RNF170: variants seen among roughly 807,000 people sequenced by gnomAD.
The protein encoded by RNF170 is E3 ubiquitin-protein ligase RNF170.
Under a neutral mutation model 32.7 loss-of-function variants are expected in RNF170, and 12 were observed. The ratio of observed to expected loss-of-function variants is 0.37; its 90% CI spans 0.24 to 0.60. The LOEUF is 0.60. RNF170 is among the 20% of genes least tolerant of loss of function. The probability of loss-of-function intolerance (pLI) is 0.72; values close to 1 mark genes in which losing one functional copy is unlikely to be tolerated. For synonymous variants in RNF170, 91 were observed against 103.6 expected, an observed-to-expected ratio of 0.88 and a Z score of 0.74; for missense variants, 212 against 311.2, an observed-to-expected ratio of 0.68 and a Z score of 2.40.
chr8:42,867,774 T>TCAAAAAAAA (rs1804216843), intron 4 of RNF170, among the ~76,000 whole-genome samples: 1 of 30,460 alleles, frequency 3.3e-5, no homozygotes, highest in African/African-American at 1.5e-4. Flanking sequence ...AGACTCCATC[T>TCAAAAAAAA]CAAAAAAAAA....
Position 42,854,732 on chromosome 8 carries a change from A to G in RNF170, c.*1427T>C. 1 of 1,287,504 alleles carries G rather than the reference A, an allele frequency of 7.8e-7. No individual in the cohort carries two copies. The highest frequency in any genetic ancestry group is 1.0e-6 in the Non-Finnish European group (1 of 988,690). 79.8% of individuals were successfully genotyped at this position (1,287,504 alleles called of 1,614,324 possible). A position where few individuals can be genotyped will look rare whatever the true frequency, so the allele number is the denominator to read the frequency against. On this transcript the variant is annotated 3_prime_UTR_variant, in exon 7 of 7. Transcript: ENST00000527424. ...ATGATATTAATAGCAGTGATCTCAG[A>G]TGACAATGCTAACACTGACTCCTGG...
intron 2 of RNF170, among the ~76,000 whole-genome samples, chr8:42,887,288 T>A (rs1805902303): frequency 6.7e-6 from 1 of 150,360 alleles, no homozygotes; most frequent in South Asian, 2.1e-4. Context: ...TGAGACTCCG[T>A]CTCAAAAAAT....
chr8:42,869,891 C>T (rs1804396251), intron 4 of RNF170, 113 bp downstream of exon 4: 1 of 747,322 alleles, frequency 1.3e-6, no homozygotes. Flanking sequence ...GTAATCTACC[C>T]TACTCACAAA....
chr8:42,876,035 C>A (rs925518201), intron 2 of RNF170, among the ~76,000 whole-genome samples: 1 of 152,072 alleles, frequency 6.6e-6, no homozygotes, highest in South Asian at 2.1e-4. Context: ...CCAGTGAATA[C>A]CTAGCTAAAT....
At chr8:42,851,577 A>G (rs1563649489), downstream of RNF170, among the ~76,000 whole-genome samples, 2 of 151,202 alleles carry the variant, frequency 1.3e-5, no homozygotes, top group African/African-American at 4.9e-5. Flanking sequence ...AAAAAAAAAA[A>G]AAAGAAAGAA....
chr8:42,849,720 T>TA (rs2128920105), downstream of RNF170: 1 of 152,350 alleles, frequency 6.6e-6, no homozygotes, highest in African/African-American at 2.4e-5. Flanking sequence ...CTGTGTCTGA[T>TA]AAAGGTCAGA....
chr8:42,878,774 C>A (rs1407410867), intron 2 of RNF170, among the ~76,000 whole-genome samples: 1 of 152,212 alleles, frequency 6.6e-6, no homozygotes, highest in Non-Finnish European at 1.5e-5. Flanking sequence ...GCATATAGGA[C>A]TTTCATAGCT....
At chr8:42,861,388 G>A (rs1803647725) in intron 6 of RNF170, 1 of 169,578 alleles carries the variant, frequency 5.9e-6, no homozygotes, top group Non-Finnish European at 1.2e-5. Context: ...CCACCCAGGT[G>A]GGAGTGCAAT....
chr8:42,856,065 CCATTGCTT>C lies in RNF170; in HGVS notation c.*86_*93del, dbSNP rs775029538. 6.3e-7 allele frequency: 1 copy of C among 1,598,726 alleles called. No homozygotes were observed. The highest frequency in any genetic ancestry group is 1.3e-5 in the African/African-American group (1 of 74,704). On this transcript the variant is annotated 3_prime_UTR_variant, in exon 7 of 7. Coordinates refer to ENST00000527424, the MANE Select transcript of RNF170 (RefSeq NM_030954.4). ...GGTTTTATATTTGTGAGATAATACTCCATTGCTTCATTGCTTTATACTGCCATGGGTCC... is the reference window on the plus strand; with the variant it reads ...GGTTTTATATTTGTGAGATAATACTCCATTGCTTTATACTGCCATGGGTCC...
intron 3 of RNF170, among the ~76,000 whole-genome samples, chr8:42,873,278 CCTGT>C (rs1401776810): frequency 6.6e-6 from 1 of 150,716 alleles, no homozygotes; most frequent in East Asian, 1.9e-4. Flanking sequence ...ATAGTGAGAC[CCTGT>C]CTCTTTTTTA....
At chr8:42,879,107 G>A (rs975952459) in intron 2 of RNF170, among the ~76,000 whole-genome samples, 1 of 152,134 alleles carries the variant, frequency 6.6e-6, no homozygotes, top group Admixed American at 6.6e-5. Flanking sequence ...AAATATCACT[G>A]CTCATTGATA....
chr8:42,877,146 T>C (rs1393564927), intron 2 of RNF170, among the ~76,000 whole-genome samples: 2 of 151,678 alleles, frequency 1.3e-5, no homozygotes, highest in African/African-American at 4.9e-5. Context: ...CAGGATGGTC[T>C]CGATCTCCTG....
chr8:42,875,137 C>T (rs1804824171), intron 2 of RNF170, among the ~76,000 whole-genome samples: 2 of 150,790 alleles, frequency 1.3e-5, no homozygotes, highest in Non-Finnish European at 2.9e-5. Context: ...CGCCATTGCA[C>T]TCCAGCCTGG....
intron 2 of RNF170, among the ~76,000 whole-genome samples, 186 bp downstream of exon 2, chr8:42,887,542 A>G (rs1474444771): frequency 6.6e-6 from 1 of 152,240 alleles, no homozygotes; most frequent in African/African-American, 2.4e-5. Context: ...TTATTTGGTA[A>G]GACAGCTGAT....
intron 2 of RNF170, among the ~76,000 whole-genome samples, chr8:42,885,165 C>A (rs1805720125): frequency 6.6e-6 from 1 of 151,946 alleles, no homozygotes; most frequent in Admixed American, 6.6e-5. Flanking sequence ...TGCCTTATTT[C>A]AGTTAATATC....
chr8:42,885,517 C>A (rs1301465518), intron 2 of RNF170, among the ~76,000 whole-genome samples: 1 of 152,144 alleles, frequency 6.6e-6, no homozygotes, highest in Non-Finnish European at 1.5e-5. Context: ...ATTTTATACT[C>A]CCCAAAAAAG....
intron 3 of RNF170, among the ~76,000 whole-genome samples, chr8:42,873,141 C>T (rs531207421): frequency 3.3e-5 from 5 of 151,662 alleles, no homozygotes; most frequent in South Asian, 2.1e-4. Context: ...GTGATTCTCC[C>T]GCCTCGGCCT....
intron 4 of RNF170, among the ~76,000 whole-genome samples, chr8:42,867,401 G>A (rs987142515): frequency 6.0e-5 from 9 of 150,278 alleles, no homozygotes; most frequent in African/African-American, 2.2e-4. Flanking sequence ...AACCTGGGAG[G>A]TGGAGGTTGC....
rs1322942603 is a variant in RNF170, at chr8:42,855,480, G to C, written c.*679C>G. On this transcript the variant is annotated 3_prime_UTR_variant, in exon 7 of 7. Coordinates refer to ENST00000527424, the MANE Select transcript of RNF170 (RefSeq NM_030954.4). Reference sequence around the variant, plus strand: ...CCCGCCTCAGCCTCCCAAAGTGCTAGGATTACAGGCGTGAGCCACCCCGCC... The same window carrying C: ...CCCGCCTCAGCCTCCCAAAGTGCTACGATTACAGGCGTGAGCCACCCCGCC... The C allele has an allele frequency of 1.7e-6, 2 of 1,150,892 alleles. No individual in the cohort carries two copies. Among genetic ancestry groups the C allele is most frequent in the African/African-American group, 1.6e-5 (1 of 62,842 alleles). 71.3% of individuals were successfully genotyped at this position (1,150,892 alleles called of 1,614,324 possible).
Sources: gnomAD v4.1 joint callset for allele counts (sites outside exome capture counted in the v4.1 genomes callset) on GRCh38, gnomAD v4.1.1 for gene constraint, MANE v1.5 for transcripts, NCBI Gene and HGNC (gene_info 2026-07-23, HGNC 2026-07-21) for gene names.